Variants in ASPM observed in about 807,000 individuals in gnomAD.
The protein encoded by ASPM is abnormal spindle-like microcephaly-associated protein.
ASPM carries 256 observed loss-of-function variants against 366.4 expected under a neutral mutation model. The observed-to-expected ratio is 0.70, with a 90% CI of 0.63 to 0.77. The LOEUF (loss-of-function observed/expected upper bound fraction) is 0.77, where lower values mean the gene tolerates loss of function less well. ASPM is among the 30% of genes least tolerant of loss of function. The pLI, the probability that ASPM is intolerant of heterozygous loss-of-function variation, is 0.00. For missense variants in ASPM, 4,146 were observed against 4,090.4 expected, an observed-to-expected ratio of 1.01 and a Z score of -0.37; for synonymous variants, 1,414 against 1,342.9, an observed-to-expected ratio of 1.05 and a Z score of -1.16.
At chr1:197,093,282 G>C in intron 20 of ASPM, 21 bp from the exon 21 acceptor site, 1 of 1,588,210 alleles carries the variant, frequency 6.3e-7, no homozygotes, top group Non-Finnish European at 8.6e-7. Flanking sequence ...AAATTTACAA[G>C]TAACATTAAT....
chr1:197,122,942 T>C (rs1443685077), intron 13 of ASPM, among the ~76,000 whole-genome samples: 2 of 152,134 alleles, frequency 1.3e-5, no homozygotes, highest in African/African-American at 2.4e-5. Flanking sequence ...GGATTCTCGT[T>C]ATTTGTGAAT....
In ASPM at chr1:197,125,918, C is replaced by T. The variant is rs558648165; in HGVS notation, c.2937-727G>A. On this transcript the variant is annotated intron_variant, in intron 10 of 27. Coordinates refer to ENST00000367409, the MANE Select transcript of ASPM (RefSeq NM_018136.5). ...CTTAAGATAATTCTAGGCCAACCAT[C>T]CAGTCAATTGTAGACCAACCCATCA... 1.6e-4 allele frequency among the ~76,000 whole-genome samples: 24 copies of T among 152,226 alleles called. No individual in the cohort carries two copies. The South Asian group carries it at 4.8e-3, about 30-fold the overall frequency.
Position 197,090,207 on chromosome 1 carries a change from A to G in ASPM, c.9818T>C (p.Leu3273Ser). The G allele has an allele frequency of 6.2e-7, 1 of 1,613,434 alleles. No homozygotes were observed. The highest frequency in any genetic ancestry group is 8.5e-7 in the Non-Finnish European group (1 of 1,179,572). Residue 3273 changes from leucine (L) to serine (S), a missense_variant, in exon 24 of 28, where the codon TTA becomes TCA. This residue lies in a region of ASPM where 3,624 missense variants were observed against 3,591.7 expected (regional missense o/e 1.01). Coordinates refer to ENST00000367409, the MANE Select transcript of ASPM (RefSeq NM_018136.5). ...YKHLSAILEA[L>S]KHLEVVTRLS... The stretch of plus-strand genomic sequence containing the variant: ...TAACACAAACTAACCTAGGTGTTTT[A>G]AGGCCTCAAGAATGGCAGAAAGGTG...
rs148790634 is a variant in ASPM, at chr1:197,136,032, T to C, written c.2027-790A>G. Among the ~76,000 whole-genome samples, 1,369 of 152,244 alleles carry C rather than the reference T, an allele frequency of 9.0e-3. 18 individuals are homozygous for C. The highest frequency in any genetic ancestry group is 0.029 in the African/African-American group (1,214 of 41,542). ...AACTCTCACAGACAAGGGATCTGGA[T>C]AACATTAGCAGCTGATTTCTCAGCA... On this transcript the variant is annotated intron_variant, in intron 4 of 27. Coordinates refer to ENST00000367409, the MANE Select transcript of ASPM (RefSeq NM_018136.5).
Position 197,090,084 on chromosome 1 carries a change from T to A in ASPM, c.9830A>T (p.Glu3277Val), listed in dbSNP as rs1363472980. The A allele has an allele frequency of 6.2e-7, 1 of 1,612,498 alleles. No individual in the cohort carries two copies. The highest frequency in any genetic ancestry group is 1.7e-5 in the Admixed American group (1 of 59,862). The part of the protein sequence containing the change: ...SAILEALKHL[E>V]VVTRLSPLCC... ...AAGTGGAGACAATCTAGTAACTACCTCTGAAAGAAAAAAAAAACACACACA... is the reference window on the plus strand; with the variant it reads ...AAGTGGAGACAATCTAGTAACTACCACTGAAAGAAAAAAAAAACACACACA... Residue 3277 changes from glutamate (E) to valine (V), a missense_variant and splice_region_variant, in exon 25 of 28, where the codon GAG becomes GTG. Around this residue, in one of 3 missense-constraint regions of ASPM, gnomAD observed 3,624 missense variants for 3,591.7 expected, o/e 1.01. Coordinates refer to ENST00000367409, the MANE Select transcript of ASPM (RefSeq NM_018136.5).
chr1:197,131,137 G>C (rs544002105), intron 7 of ASPM, among the ~76,000 whole-genome samples: 1 of 152,276 alleles, frequency 6.6e-6, no homozygotes, highest in South Asian at 2.1e-4. Context: ...ACAATGCTGT[G>C]TAACCACAGT....
intron 16 of ASPM, 38 bp from the exon 17 acceptor site, chr1:197,118,021 CACTT>C: frequency 1.3e-6 from 2 of 1,540,780 alleles, no homozygotes; most frequent in Non-Finnish European, 1.8e-6. Context: ...ATTAAACACT[CACTT>C]AAGACCTTAA....
intron 17 of ASPM, among the ~76,000 whole-genome samples, chr1:197,115,241 A>G (rs969937170): frequency 1.3e-5 from 2 of 152,168 alleles, no homozygotes; most frequent in East Asian, 3.9e-4. Flanking sequence ...GCACCTCCTC[A>G]TCTGTTCAGC....
intron 26 of ASPM, among the ~76,000 whole-genome samples, chr1:197,088,013 T>C (rs1406728755): frequency 6.6e-6 from 1 of 152,188 alleles, no homozygotes; most frequent in African/African-American, 2.4e-5. Flanking sequence ...TTCTCTCTAG[T>C]AAATGGGAAA....
At chr1:197,123,659 T>A (rs183404190) in intron 13 of ASPM, among the ~76,000 whole-genome samples, 2 of 152,212 alleles carry the variant, frequency 1.3e-5, no homozygotes, top group Admixed American at 6.5e-5. Context: ...TAGGGGAAAT[T>A]TTTTTCATAT....
Position 197,089,930 on chromosome 1 carries a change from C to T in ASPM, c.9984G>A (p.Lys3328=). ...TCTCATTAATAAAATGAAAAACTAC[C>T]TTAGATACATTAAGCAAGACTTGCA... is the stretch of plus-strand genomic sequence containing the variant. ...YAVQVLLNVS[K]YEKTTSAVYD... The change falls in exon 25 of 28, where the codon AAG becomes AAA. Residue 3328 remains lysine (K), a splice_region_variant and synonymous_variant. Coordinates refer to ENST00000367409, the MANE Select transcript of ASPM (RefSeq NM_018136.5). The T allele has an allele frequency of 6.2e-7, 1 of 1,612,498 alleles. No individual in the cohort carries two copies. The highest frequency in any genetic ancestry group is 8.5e-7 in the Non-Finnish European group (1 of 1,178,902).
Position 197,086,966 on chromosome 1 carries a change from G to A in ASPM, c.10168C>T (p.Arg3390Ter), listed in dbSNP as rs587783211. The stretch of plus-strand genomic sequence containing the variant: ...CGGTCAACAACTTTGGACCTACTTC[G>A]TACATCCTACAAAATAAAATGCACA... ...LKTTNRASDV[R>*]SRSKVVDRIY... The change falls in exon 27 of 28, where the codon CGA becomes TGA. Residue 3390 changes from arginine (R) to a stop codon, truncating the protein, a stop_gained. Transcript: ENST00000367409. LOFTEE classifies it high-confidence loss of function. The A allele has an allele frequency of 1.2e-5, 19 of 1,606,934 alleles. No individual in the cohort carries two copies. The highest frequency in any genetic ancestry group is 9.4e-5 in the African/African-American group (7 of 74,694).
Position 197,102,288 on chromosome 1 carries a change from T to C in ASPM, c.6963A>G (p.Ser2321=), listed in dbSNP as rs1169109101. Residue 2321 remains serine (S), a synonymous_variant, in exon 18 of 28, where the codon TCA becomes TCG. Transcript: ENST00000367409. ...TTTTCCTTATCATCCATCTTCTGTA[T>C]GATGACTGGATTTTAATAACTGCAT... ...VQNAVIKIQS[S]YRRWMIRKRM... The C allele has an allele frequency of 1.2e-6, 2 of 1,612,842 alleles. No homozygotes were observed. The highest frequency in any genetic ancestry group is 1.1e-5 in the South Asian group (1 of 91,048).
chr1:197,136,037 T>C (rs191128492), intron 4 of ASPM, among the ~76,000 whole-genome samples: 18 of 152,278 alleles, frequency 1.2e-4, no homozygotes, highest in Non-Finnish European at 2.1e-4. Flanking sequence ...CTGGATAACA[T>C]TAGCAGCTGA....
rs138178071 is a variant in ASPM at position 197,099,500 on chromosome 1, G to T, written c.8820+931C>A. Among the ~76,000 whole-genome samples the T allele has an allele frequency of 6.0e-3, 903 of 151,572 alleles. 15 individuals carry two copies. The highest frequency in any genetic ancestry group is 0.021 in the African/African-American group (866 of 41,400). The stretch of plus-strand genomic sequence containing the variant: ...TTCAGTGTAACATTTCAACTTAAAT[G>T]TTACTCACTCTGGGAAGTCTCTGAC... On this transcript the variant is annotated intron_variant, in intron 18 of 27. Coordinates refer to ENST00000367409, the MANE Select transcript of ASPM (RefSeq NM_018136.5).
intron 19 of ASPM, among the ~76,000 whole-genome samples, chr1:197,095,231 G>A (rs184483482): frequency 5.9e-5 from 9 of 151,574 alleles, no homozygotes; most frequent in Non-Finnish European, 7.4e-5. Flanking sequence ...CCAGCCTGTC[G>A]TTATCCACCC....
In ASPM at chr1:197,139,770, T is replaced by C; in HGVS notation, c.2023A>G (p.Thr675Ala). 1 of 1,592,284 alleles carries C rather than the reference T, an allele frequency of 6.3e-7. No homozygotes were observed. Among genetic ancestry groups the C allele is most frequent in the East Asian group, 2.2e-5 (1 of 44,764 alleles). The stretch of plus-strand genomic sequence containing the variant: ...TTTAAGTATAATAAATACTTGCCTG[T>C]TTTTAATGGTTTTATGAAGGTCAAA... Reference protein sequence around the residue: ...SSLTFIKPLKTDIPRHPMPFA... With the variant: ...SSLTFIKPLKADIPRHPMPFA... The change falls in exon 4 of 28, where the codon ACA (threonine) becomes GCA (alanine). Residue 675 changes from threonine (T) to alanine (A), a missense_variant. Thr to Ala is a moderately conservative substitution (Grantham distance 58). Transcript: ENST00000367409.
At chr1:197,129,538 A>AC (rs980943888) in intron 8 of ASPM, among the ~76,000 whole-genome samples, 1 of 152,260 alleles carries the variant, frequency 6.6e-6, no homozygotes, top group African/African-American at 2.4e-5. Context: ...AATATTTTCA[A>AC]TTCATAGATG....
At chr1:197,088,499 A>T in intron 25 of ASPM, 67 bp from the exon 26 acceptor site, 3 of 1,469,946 alleles carry the variant, frequency 2.0e-6, no homozygotes, top group Non-Finnish European at 2.8e-6. Context: ...ACCCAACCAA[A>T]AAAACAAAAT....
Sources: allele counts gnomAD v4.1 joint callset (sites outside exome capture counted in the v4.1 genomes callset), GRCh38; gene constraint gnomAD v4.1.1; regional missense constraint gnomAD v4.1.1; transcripts MANE v1.5; gene names NCBI Gene and HGNC (gene_info 2026-07-23, HGNC 2026-07-21).